QDPR: variants seen among roughly 807,000 people sequenced by gnomAD.
The protein encoded by QDPR is dihydropteridine reductase.
A neutral mutation model predicts 31.7 loss-of-function variants in QDPR; 23 were observed. The observed-to-expected ratio is 0.73, with a 90% CI of 0.52 to 1.03. The LOEUF (loss-of-function observed/expected upper bound fraction) is 1.03, where lower values mean the gene tolerates loss of function less well. Among genes scored for constraint, QDPR ranks in the 50% least tolerant of loss-of-function variants. The pLI, the probability that QDPR is intolerant of heterozygous loss-of-function variation, is 0.00. For missense variants in QDPR, 324 were observed against 323.8 expected, an observed-to-expected ratio of 1.00 and a Z score of 0.00; for synonymous variants, 124 against 124.7, an observed-to-expected ratio of 0.99 and a Z score of 0.03.
Position 17,490,765 on chromosome 4 carries a change from G to A in QDPR, c.546-20C>T. ...GTAACCCTGCAATGGACACAGATAA[G>A]CACGTCATTCATGTCGCTCCTTTCT... On this transcript the variant is annotated intron_variant, in intron 5 of 6. Coordinates refer to ENST00000281243, the MANE Select transcript of QDPR (RefSeq NM_000320.3). 1.3e-6 allele frequency: 2 copies of A among 1,597,584 alleles called. No homozygotes were observed. The highest frequency in any genetic ancestry group is 1.7e-6 in the Non-Finnish European group (2 of 1,165,816).
In QDPR at chr4:17,504,470, A is replaced by C; in HGVS notation, c.204T>G (p.Thr68=). The C allele has an allele frequency of 1.2e-6, 2 of 1,614,008 alleles. No individual in the cohort carries two copies. The highest frequency in any genetic ancestry group is 2.7e-5 in the African/African-American group (2 of 75,052). The change falls in exon 3 of 7, where the codon ACT becomes ACG. Residue 68 remains threonine, a synonymous_variant. Coordinates refer to ENST00000281243, the MANE Select transcript of QDPR (RefSeq NM_000320.3). ...CACCCAAGAGCTTTCCAACCTCAGCAGTCACCTTCAACACAAGAACAAAAA... is the reference window on the plus strand; with the variant it reads ...CACCCAAGAGCTTTCCAACCTCAGCCGTCACCTTCAACACAAGAACAAAAA... ...DSFTEQADQV[T]AEVGKLLGEE...
At chr4:17,506,527 A>G (rs1046701852) in intron 2 of QDPR, among the ~76,000 whole-genome samples, 4 of 152,254 alleles carry the variant, frequency 2.6e-5, no homozygotes, top group Admixed American at 2.6e-4. Context: ...CCCACTGCCC[A>G]TGTCCAAATA....
rs1372264673 is a variant in QDPR, at chr4:17,512,021, G to T, written c.34C>A (p.Arg12=). ...AAAAAAGEAR[R]VLVYGGRGAL... Reference sequence around the variant, plus strand: ...CCCCTGCCGCCGTACACCAGCACCCGGCGCGCCTCGCCTGCAGCCGCCGCC... The same window carrying T: ...CCCCTGCCGCCGTACACCAGCACCCTGCGCGCCTCGCCTGCAGCCGCCGCC... Residue 12 remains arginine (R), a synonymous_variant, in exon 1 of 7, where the codon CGG becomes AGG. Coordinates refer to ENST00000281243, the MANE Select transcript of QDPR (RefSeq NM_000320.3). 5 of 1,606,380 alleles carry T rather than the reference G, an allele frequency of 3.1e-6. No individual in the cohort carries two copies. The African/African-American group carries it at 5.4e-5, about 17-fold the overall frequency.
At chr4:17,500,999 T>C (rs991182994) in intron 4 of QDPR, among the ~76,000 whole-genome samples, 8 of 152,244 alleles carry the variant, frequency 5.3e-5, no homozygotes, top group Non-Finnish European at 8.8e-5. Flanking sequence ...TTGCCATTTA[T>C]GGGTGCCTAC....
chr4:17,490,519 C>G lies in QDPR; in HGVS notation c.629+143G>C, dbSNP rs968766362. On this transcript the variant is annotated intron_variant, in intron 6 of 6. Transcript: ENST00000281243. ...CTACTCTGAGATTCCGTCTGATGTG[C>G]AATGCATCCTCAGAGTCCCAGAGAC... 1.3e-5 allele frequency: 9 copies of G among 685,938 alleles called. No homozygotes were observed. In the Admixed American group the frequency reaches 1.8e-4, roughly 14 times the overall value. The allele number at this position is 685,938 out of a possible 1,614,324, so 42.5% of individuals were successfully genotyped here.
rs143937910 is a variant in QDPR at position 17,509,321 on chromosome 4, C to T, written c.148G>A (p.Ala50Thr). 7.2e-5 allele frequency: 117 copies of T among 1,614,026 alleles called. No homozygotes were observed. In the African/African-American group the frequency reaches 1.3e-3, roughly 17 times the overall value. Residue 50 changes from alanine to threonine, a missense_variant, in exon 2 of 7, where the codon GCT becomes ACT. Coordinates refer to ENST00000281243, the MANE Select transcript of QDPR (RefSeq NM_000320.3). ...VDVVENEEASASIIVKMTDSF... is the reference protein window; with the variant it reads ...VDVVENEEASTSIIVKMTDSF... ...TCTGTCATTTTAACAATGATGCTAG[C>T]GCTGGCCTCTTCATTCTCCACCACA...
At chr4:17,511,917 C>T (rs746411252) in intron 1 of QDPR, 33 bp downstream of exon 1, 3 of 1,598,984 alleles carry the variant, frequency 1.9e-6, no homozygotes, top group Admixed American at 1.7e-5. Flanking sequence ...GCCACCCCCG[C>T]GGAGACCCAG....
chr4:17,501,970 C>T (rs908105583), intron 3 of QDPR, 111 bp from the exon 4 acceptor site: 2 of 1,344,838 alleles, frequency 1.5e-6, no homozygotes, highest in Non-Finnish European at 2.1e-6. Context: ...TCCCCAGGTC[C>T]CTATCTACAG....
intron 1 of QDPR, chr4:17,510,006 A>AG (rs761067017): frequency 2.2e-6 from 1 of 455,582 alleles, no homozygotes; most frequent in Non-Finnish European, 4.4e-6. Context: ...AGCAATAAAT[A>AG]GGGGGAAAAA....
intron 1 of QDPR, among the ~76,000 whole-genome samples, chr4:17,510,848 C>G (rs1334627189): frequency 2.0e-5 from 3 of 152,154 alleles, no homozygotes; most frequent in African/African-American, 7.2e-5. Context: ...TGGGAAAGCG[C>G]CCTCATCAGT....
At chr4:17,492,441 T>C in intron 4 of QDPR, 101 bp from the exon 5 acceptor site, 1 of 938,648 alleles carries the variant, frequency 1.1e-6, no homozygotes, top group South Asian at 1.4e-5. Context: ...AAAAACTTTA[T>C]AAATAGCTGC....
At chr4:17,506,667 G>A (rs12647753) in intron 2 of QDPR, among the ~76,000 whole-genome samples, 5,289 of 152,282 alleles carry the variant, frequency 0.035, 123 homozygotes, top group East Asian at 0.054. Context: ...GACTACACGT[G>A]TTAATGAAAA....
intron 4 of QDPR, among the ~76,000 whole-genome samples, chr4:17,496,011 C>CA (rs1018238322): frequency 1.5e-4 from 23 of 148,408 alleles, no homozygotes; most frequent in Non-Finnish European, 2.7e-4. Flanking sequence ...ACCATATCTC[C>CA]AAAAAAAAGG....
At chr4:17,499,566 GA>G (rs1273932809) in intron 4 of QDPR, among the ~76,000 whole-genome samples, 1 of 152,176 alleles carries the variant, frequency 6.6e-6, no homozygotes, top group Non-Finnish European at 1.5e-5. Context: ...AATGGAAGAA[GA>G]AAATGAGAGG....
rs1172704301 is a variant in QDPR at position 17,509,297 on chromosome 4, C to T, written c.172G>A (p.Asp58Asn). ...TGGTCAGCCTGCTCAGTGAACGAGT[C>T]TGTCATTTTAACAATGATGCTAGCG... ...ASASIIVKMT[D>N]SFTEQADQVT... The change falls in exon 2 of 7, where the codon GAC (aspartate) becomes AAC (asparagine). Residue 58 changes from aspartate to asparagine, a missense_variant. Asp to Asn is a conservative substitution (Grantham distance 23). Transcript: ENST00000281243. 2.5e-6 allele frequency: 4 copies of T among 1,613,974 alleles called. No individual in the cohort carries two copies. The highest frequency in any genetic ancestry group is 3.4e-6 in the Non-Finnish European group (4 of 1,179,976).
At position 17,501,758 on chromosome 4, in the gene QDPR, T is replaced by C; in HGVS notation, c.397A>G (p.Thr133Ala). The C allele has an allele frequency of 1.2e-6, 2 of 1,614,070 alleles. No homozygotes were observed. Among genetic ancestry groups the C allele is most frequent in the Non-Finnish European group, 1.7e-6 (2 of 1,179,988 alleles). The stretch of plus-strand genomic sequence containing the variant: ...AGGGCAGCCTTTGCGCCAGCCAAGG[T>C]CAGGAGGCCTCCTTCCTTGAGATGC... ...TKHLKEGGLL[T>A]LAGAKAALDG... The change falls in exon 4 of 7, where the codon ACC becomes GCC. Residue 133 changes from threonine (T) to alanine (A), a missense_variant. Physicochemically the swap from Thr to Ala is moderately conservative, Grantham distance 58 (BLOSUM62 0). Transcript: ENST00000281243.
At chr4:17,499,863 G>C (rs75977203) in intron 4 of QDPR, among the ~76,000 whole-genome samples, 7 of 152,152 alleles carry the variant, frequency 4.6e-5, no homozygotes, top group African/African-American at 1.7e-4. Context: ...AAGCTACAGT[G>C]AGCTAGATCA....
chr4:17,492,175 G>T, intron 5 of QDPR, 57 bp downstream of exon 5: 1 of 1,462,410 alleles, frequency 6.8e-7, no homozygotes, highest in Non-Finnish European at 9.6e-7. Context: ...CAGACAAACG[G>T]TCACCTGCAG....
chr4:17,499,852 C>T (rs79624274), intron 4 of QDPR, among the ~76,000 whole-genome samples: 7,365 of 152,216 alleles, frequency 0.048, 237 homozygotes, highest in Middle Eastern at 0.095. Flanking sequence ...CCAGGAGTTC[C>T]AAGCTACAGT....
Sources: allele counts gnomAD v4.1 joint callset (sites outside exome capture counted in the v4.1 genomes callset), GRCh38; gene constraint gnomAD v4.1.1; transcripts MANE v1.5; gene names NCBI Gene and HGNC (gene_info 2026-07-23, HGNC 2026-07-21).